MACROH2A1: variants seen among roughly 807,000 people sequenced by gnomAD.
The protein encoded by MACROH2A1 is core histone macro-H2A.1.
Under a neutral mutation model 31.6 loss-of-function variants are expected in MACROH2A1, and 2 were observed. The observed-to-expected ratio is 0.06, with a 90% CI of 0.03 to 0.20. The LOEUF is 0.20. Ranked by LOEUF, MACROH2A1 falls within the 10% of genes least tolerant of loss-of-function variation. MACROH2A1 has a pLI of 1.00. For synonymous variants in MACROH2A1, 169 were observed against 189.6 expected, an observed-to-expected ratio of 0.89 and a Z score of 0.89; for missense variants, 230 against 474.0, an observed-to-expected ratio of 0.49 and a Z score of 4.78.
chr5:135,390,290 G>A (rs953112940), intron 1 of MACROH2A1, among the ~76,000 whole-genome samples: 2 of 152,172 alleles, frequency 1.3e-5, no homozygotes, highest in African/African-American at 2.4e-5. Flanking sequence ...TGATGCACGT[G>A]TGCCCATTCT....
intron 8 of MACROH2A1, among the ~76,000 whole-genome samples, chr5:135,335,589 T>C (rs186264285): frequency 6.6e-6 from 1 of 152,198 alleles, no homozygotes; most frequent in African/African-American, 2.4e-5. Context: ...ACAGAAGAGT[T>C]ACCCCTTCAC....
chr5:135,399,885 A>G (rs1019314554), upstream of MACROH2A1: 1 of 152,266 alleles, frequency 6.6e-6, no homozygotes. This position sits in a 1 kb window ranked among gnomAD's most constrained non-coding sequence, Gnocchi z 4.5. Context: ...TAATGTAGAC[A>G]GTGATTCCTT....
At chr5:135,349,463 CTTTCCATCCA>C (rs1289454007) in intron 6 of MACROH2A1, among the ~76,000 whole-genome samples, 1 of 152,160 alleles carries the variant, frequency 6.6e-6, no homozygotes, top group Non-Finnish European at 1.5e-5. Context: ...CAAATTCTGA[CTTTCCATCCA>C]GTTTGTCTTT....
chr5:135,340,358 A>G (rs1421783346), intron 8 of MACROH2A1, among the ~76,000 whole-genome samples: 6 of 152,294 alleles, frequency 3.9e-5, no homozygotes, highest in African/African-American at 1.4e-4. Context: ...ACATACCCAT[A>G]AATAGTAGCT....
intron 2 of MACROH2A1, among the ~76,000 whole-genome samples, chr5:135,388,061 A>C (rs1422150378): frequency 6.6e-6 from 1 of 152,072 alleles, no homozygotes; most frequent in African/African-American, 2.4e-5. Context: ...AAAAAAAAAA[A>C]AAAACAGAGG....
intron 2 of MACROH2A1, among the ~76,000 whole-genome samples, chr5:135,378,225 GCT>G (rs1765163619): frequency 6.6e-6 from 1 of 152,358 alleles, no homozygotes; most frequent in Non-Finnish European, 1.5e-5. Flanking sequence ...CCTCAGGGCA[GCT>G]CTCTGCCCAG....
chr5:135,343,856 C>G (rs775417515), intron 7 of MACROH2A1: 1 of 242,624 alleles, frequency 4.1e-6, no homozygotes, highest in Admixed American at 5.1e-5. Context: ...GACTTGCACA[C>G]CAATATGATG....
chr5:135,381,949 AC>A (rs1199742101), intron 2 of MACROH2A1, among the ~76,000 whole-genome samples: 2 of 152,254 alleles, frequency 1.3e-5, no homozygotes. Context: ...GATGTGACAG[AC>A]ATGTTCAAAA....
intron 2 of MACROH2A1, among the ~76,000 whole-genome samples, chr5:135,374,459 G>C (rs1048360054): frequency 6.6e-6 from 1 of 152,176 alleles, no homozygotes; most frequent in Admixed American, 6.5e-5. Context: ...GGAGGCCCCA[G>C]GCTCAGGGCT....
At chr5:135,372,491 T>C (rs113197284) in intron 2 of MACROH2A1, among the ~76,000 whole-genome samples, 3 of 152,224 alleles carry the variant, frequency 2.0e-5, no homozygotes, top group African/African-American at 4.8e-5. Flanking sequence ...TTCCCTATCA[T>C]TGATCGTGGT....
At chr5:135,351,936 G>A (rs1422727426) in intron 6 of MACROH2A1, among the ~76,000 whole-genome samples, 1 of 147,784 alleles carries the variant, frequency 6.8e-6, no homozygotes. Flanking sequence ...TTTTTTTTAA[G>A]TATCTGTATA....
rs1420284849 is a variant in MACROH2A1 at position 135,369,777 on chromosome 5, CAG to C, written c.280-176_280-175del. 1.3e-5 allele frequency among the ~76,000 whole-genome samples: 2 copies of C among 152,198 alleles called. No homozygotes were observed. The highest frequency in any genetic ancestry group is 4.8e-5 in the African/African-American group (2 of 41,458). On this transcript the variant is annotated intron_variant, in intron 3 of 8. Coordinates refer to ENST00000511689, the MANE Select transcript of MACROH2A1 (RefSeq NM_138610.3). This position sits in a 1 kb window ranked among gnomAD's most constrained non-coding sequence, Gnocchi z 4.3. ...GCTCACTGCTCAGGGATCCAGTCCC[CAG>C]AGTCCCTCACTCAAATGGAATTTAG...
At chr5:135,383,899 A>C (rs1273233822) in intron 2 of MACROH2A1, among the ~76,000 whole-genome samples, 3 of 152,132 alleles carry the variant, frequency 2.0e-5, no homozygotes, top group Non-Finnish European at 4.4e-5. Context: ...AGGGAGGTGC[A>C]CTCATGCAAA....
chr5:135,350,601 C>A, intron 6 of MACROH2A1: 1 of 472,058 alleles, frequency 2.1e-6, no homozygotes, highest in South Asian at 3.6e-5. Context: ...GTTTTCAAAC[C>A]AGAAATGTCC....
intron 2 of MACROH2A1, among the ~76,000 whole-genome samples, chr5:135,387,419 C>G (rs773601647): frequency 6.6e-6 from 1 of 152,196 alleles, no homozygotes; most frequent in Non-Finnish European, 1.5e-5. Context: ...GGGAAACCCT[C>G]GGCCTTGCCT....
intron 5 of MACROH2A1, chr5:135,359,851 T>C (rs1762615218): frequency 1.0e-6 from 1 of 977,604 alleles, no homozygotes; most frequent in South Asian, 4.7e-5. Context: ...TTCTCAGGTC[T>C]TAAAAGCCTT....
At chr5:135,359,153 A>G in intron 5 of MACROH2A1, 1 of 983,876 alleles carries the variant, frequency 1.0e-6, no homozygotes, top group African/African-American at 1.8e-5. Context: ...GGCTGGCAGG[A>G]GGTAACAAGA....
At chr5:135,350,188 G>A (rs1761345440) in intron 6 of MACROH2A1, among the ~76,000 whole-genome samples, 1 of 152,194 alleles carries the variant, frequency 6.6e-6, no homozygotes, top group Non-Finnish European at 1.5e-5. Context: ...CAGCTGCCAA[G>A]GGAAAGGAAG....
chr5:135,353,248 G>C (rs1397866247), intron 5 of MACROH2A1: 1 of 545,602 alleles, frequency 1.8e-6, no homozygotes, highest in Non-Finnish European at 3.3e-6. Context: ...AAACTAGGAT[G>C]AATGTTCAGA....
Sources: allele counts gnomAD v4.1 joint callset (sites outside exome capture counted in the v4.1 genomes callset), GRCh38; gene constraint gnomAD v4.1.1; non-coding constraint Gnocchi (gnomAD v3.1); transcripts MANE v1.5; gene names NCBI Gene and HGNC (gene_info 2026-07-23, HGNC 2026-07-21).